Variants in PRR5 observed in about 807,000 individuals in gnomAD.
PRR5 encodes proline rich 5.
PRR5 carries 25 observed loss-of-function variants against 30.6 expected under a neutral mutation model. The ratio of observed to expected loss-of-function variants is 0.82; its 90% CI spans 0.60 to 1.14. The LOEUF (loss-of-function observed/expected upper bound fraction) is 1.14, where lower values mean the gene tolerates loss of function less well. Among genes scored for constraint, PRR5 ranks in the 50% most tolerant of loss-of-function variants. The probability of loss-of-function intolerance (pLI) is 0.00; values close to 1 mark genes in which losing one functional copy is unlikely to be tolerated. For synonymous variants in PRR5, 286 were observed against 247.1 expected (o/e 1.16, Z -1.48); for missense variants, 600 against 547.1 (o/e 1.10, Z -0.96).
intron 6 of PRR5, among the ~76,000 whole-genome samples, chr22:44,733,329 G>A (rs1044438860): frequency 6.6e-6 from 1 of 152,242 alleles, no homozygotes; most frequent in Non-Finnish European, 1.5e-5. Context: ...TTACAGGTAG[G>A]GGACCCAAGT....
intron 1 of PRR5, among the ~76,000 whole-genome samples, chr22:44,696,046 C>G (rs1207486590): frequency 6.6e-6 from 1 of 150,534 alleles, no homozygotes; most frequent in Non-Finnish European, 1.5e-5. Context: ...GCCTCAGCCT[C>G]CTGAGTAGCT....
At chr22:44,689,293 G>C (rs73891733) in intron 1 of PRR5, among the ~76,000 whole-genome samples, 1 of 152,078 alleles carries the variant, frequency 6.6e-6, no homozygotes, top group East Asian at 1.9e-4. Flanking sequence ...TTGGAGTTCC[G>C]AGGAATCCAG....
intron 1 of PRR5, among the ~76,000 whole-genome samples, chr22:44,710,994 T>C (rs1465795293): frequency 2.0e-5 from 3 of 150,350 alleles, no homozygotes; most frequent in Non-Finnish European, 3.0e-5. Flanking sequence ...AGTGATTAGG[T>C]GGTAACTCGG....
rs536723476 is a variant in PRR5 at position 44,709,096 on chromosome 22, C to A, written c.135-5495C>A. 3.9e-5 allele frequency among the ~76,000 whole-genome samples: 6 copies of A among 151,938 alleles called. No individual in the cohort carries two copies. The South Asian group carries it at 1.0e-3, about 26-fold the overall frequency. The stretch of plus-strand genomic sequence containing the variant: ...ACGTGCTCATGGGGGTCTCTGAAGG[C>A]CAGAGGATGTTGGCTGAAGCCTCCA... On this transcript the variant is annotated intron_variant, in intron 1 of 7. Coordinates refer to ENST00000336985, the MANE Select transcript of PRR5 (RefSeq NM_181333.4).
chr22:44,702,863 T>C (rs1482336654), intron 1 of PRR5, among the ~76,000 whole-genome samples: 3 of 152,032 alleles, frequency 2.0e-5, no homozygotes, highest in Non-Finnish European at 4.4e-5. Context: ...GCCCGGCGGG[T>C]GGGCGGCGGG....
chr22:44,672,267 G>C (rs1923469290), upstream of PRR5, among the ~76,000 whole-genome samples: 1 of 152,156 alleles, frequency 6.6e-6, no homozygotes, highest in Non-Finnish European at 1.5e-5. Context: ...GTGGGGATGG[G>C]GAAGGGCCAA....
At chr22:44,731,949 G>C in intron 5 of PRR5, 128 bp downstream of exon 5, 1 of 1,056,970 alleles carries the variant, frequency 9.5e-7, no homozygotes, top group Non-Finnish European at 1.3e-6. Context: ...TGCTCTCCTT[G>C]GGCTACCTGA....
At chr22:44,670,351 C>T (rs925450001) in intron 1 of PRR5, among the ~76,000 whole-genome samples, 1 of 152,194 alleles carries the variant, frequency 6.6e-6, no homozygotes, top group African/African-American at 2.4e-5. Context: ...GCGGGGATTG[C>T]TGTGAAGTCC....
At chr22:44,731,644 C>A in intron 4 of PRR5, 86 bp from the exon 5 acceptor site, 1 of 1,387,742 alleles carries the variant, frequency 7.2e-7, no homozygotes, top group Non-Finnish European at 1.0e-6. Context: ...CCTCCACTCC[C>A]GCATCCTCTG....
rs1382323674 is a variant in PRR5 at position 44,691,268 on chromosome 22, C to T, written c.-10-11224C>T. Among the ~76,000 whole-genome samples, 1 of 152,152 alleles carries T rather than the reference C, an allele frequency of 6.6e-6. No homozygotes were observed. Among genetic ancestry groups the T allele is most frequent in the Non-Finnish European group, 1.5e-5 (1 of 68,024 alleles). ...GGGGATTCTGAGGTTGGTCCTGGCC[C>T]TGCCCCTCACCAGCCTGTGACCCTG... is the stretch of plus-strand genomic sequence containing the variant. On this transcript the variant is annotated intron_variant, in intron 1 of 8. Transcript: ENST00000006251. This position sits in a 1 kb window ranked among gnomAD's most constrained non-coding sequence, Gnocchi z 4.4.
chr22:44,735,517 A>T (rs1923055582), intron 7 of PRR5, among the ~76,000 whole-genome samples: 1 of 152,180 alleles, frequency 6.6e-6, no homozygotes, highest in Non-Finnish European at 1.5e-5. Flanking sequence ...TAGGGGACCC[A>T]GGCTGGGAGG....
chr22:44,710,112 A>G (rs1927934153), intron 1 of PRR5, among the ~76,000 whole-genome samples: 1 of 152,106 alleles, frequency 6.6e-6, no homozygotes, highest in Non-Finnish European at 1.5e-5. Flanking sequence ...AAGGGAGGCC[A>G]TGGGTGCGGC....
At chr22:44,684,090 C>A (rs1924531211) in intron 1 of PRR5, among the ~76,000 whole-genome samples, 2 of 152,162 alleles carry the variant, frequency 1.3e-5, no homozygotes, top group African/African-American at 4.8e-5. Context: ...GGGCCCGGGC[C>A]AGAGGGGTGG....
intron 1 of PRR5, among the ~76,000 whole-genome samples, chr22:44,684,965 G>A (rs578064813): frequency 2.0e-5 from 3 of 152,194 alleles, no homozygotes; most frequent in Admixed American, 6.5e-5. Context: ...CTCAGGGCCC[G>A]GCACGAAGTA....
intron 1 of PRR5, among the ~76,000 whole-genome samples, chr22:44,711,718 G>T (rs1184330798): frequency 2.6e-5 from 4 of 152,176 alleles, no homozygotes; most frequent in African/African-American, 9.7e-5. Flanking sequence ...GGCTCCAGGA[G>T]AGAACTTGGG....
At chr22:44,731,429 C>CA (rs1921945135) in intron 4 of PRR5, 1 of 483,920 alleles carries the variant, frequency 2.1e-6, no homozygotes, top group Non-Finnish European at 3.8e-6. Flanking sequence ...TGGCAGCTGT[C>CA]ATCTGCCAGG....
intron 4 of PRR5, among the ~76,000 whole-genome samples, chr22:44,728,150 C>T (rs1921209500): frequency 6.6e-6 from 1 of 152,176 alleles, no homozygotes; most frequent in Non-Finnish European, 1.5e-5. Flanking sequence ...GCAGAAGGGG[C>T]AGAGGACAGC....
intron 1 of PRR5, among the ~76,000 whole-genome samples, chr22:44,707,526 G>A (rs963807627): frequency 2.0e-5 from 3 of 152,222 alleles, no homozygotes; most frequent in Non-Finnish European, 4.4e-5. Context: ...TCTGCCTCCT[G>A]GCAGGGATGC....
At chr22:44,699,947 C>T (rs1926107515), upstream of PRR5, among the ~76,000 whole-genome samples, 1 of 148,692 alleles carries the variant, frequency 6.7e-6, no homozygotes. Flanking sequence ...TTTTTTTTTA[C>T]AGCAGTAAGG....
Sources: gnomAD v4.1 joint callset for allele counts (sites outside exome capture counted in the v4.1 genomes callset) on GRCh38, gnomAD v4.1.1 for gene constraint, Gnocchi (gnomAD v3.1) non-coding constraint, MANE v1.5 for transcripts, NCBI Gene and HGNC (gene_info 2026-07-23, HGNC 2026-07-21) for gene names.